The following WWOX variants were observed in gnomAD, a reference collection of about 807,000 sequenced individuals.
WWOX encodes the protein WW domain containing oxidoreductase, also known as WW domain-containing oxidoreductase.
WWOX carries 69 observed loss-of-function variants against 46.2 expected under a neutral mutation model. The observed-to-expected ratio is 1.49, with a 90% CI of 1.23 to 1.82. The LOEUF is 1.82. Among genes scored for constraint, WWOX ranks in the 40% most tolerant of loss-of-function variants. WWOX has a pLI of 0.00. For missense variants in WWOX, 919 were observed against 542.6 expected (o/e 1.69, Z -6.89); for synonymous variants, 359 against 202.6 (o/e 1.77, Z -6.56).
At chr16:79,188,720 C>T (rs1002390598) in intron 8 of WWOX, among the ~76,000 whole-genome samples, 4 of 152,204 alleles carry the variant, frequency 2.6e-5, no homozygotes, top group Non-Finnish European at 5.9e-5. Context: ...ATGTTTAAAT[C>T]CTGCAAGCGA....
At chr16:79,031,022 G>C (rs2047742160) in intron 8 of WWOX, among the ~76,000 whole-genome samples, 1 of 151,522 alleles carries the variant, frequency 6.6e-6, no homozygotes, top group Non-Finnish European at 1.5e-5. Flanking sequence ...AGGCTGGGGA[G>C]GTTGAGGCCG....
chr16:78,570,300 A>C (rs1378972784), intron 8 of WWOX, among the ~76,000 whole-genome samples: 4 of 152,154 alleles, frequency 2.6e-5, no homozygotes, highest in Non-Finnish European at 4.4e-5. Flanking sequence ...ATCCTTTCTG[A>C]AACATTGGTA....
intron 8 of WWOX, chr16:78,757,111 G>A (rs2049670196): frequency 1.5e-6 from 1 of 688,160 alleles, no homozygotes; most frequent in Non-Finnish European, 2.7e-6. Context: ...CTTTATTTGA[G>A]CCCCTATCTA....
chr16:79,102,819 T>G (rs1419676658), intron 8 of WWOX, among the ~76,000 whole-genome samples: 1 of 152,214 alleles, frequency 6.6e-6, no homozygotes, highest in African/African-American at 2.4e-5. Flanking sequence ...AGGCAGAACT[T>G]GAGAGTGGCA....
intron 8 of WWOX, among the ~76,000 whole-genome samples, chr16:78,615,412 G>A (rs991172334): frequency 6.6e-6 from 1 of 152,134 alleles, no homozygotes; most frequent in African/African-American, 2.4e-5. Context: ...ACGTAGGGAG[G>A]CTGAGGCAGG....
chr16:78,876,467 C>G (rs1320277110), intron 8 of WWOX, among the ~76,000 whole-genome samples: 2 of 123,144 alleles, frequency 1.6e-5, no homozygotes, highest in African/African-American at 6.5e-5. Context: ...ATGCTTGACT[C>G]TTCTTTTTTT....
intron 5 of WWOX, among the ~76,000 whole-genome samples, chr16:78,260,447 T>A (rs903942479): frequency 2.6e-5 from 4 of 151,416 alleles, no homozygotes; most frequent in African/African-American, 9.7e-5. Context: ...GGCAGATCAC[T>A]TGAGGCCAGG....
At chr16:79,161,159 A>G (rs2050479021) in intron 8 of WWOX, among the ~76,000 whole-genome samples, 1 of 152,230 alleles carries the variant, frequency 6.6e-6, no homozygotes. Context: ...ACTCACTTCC[A>G]GGATAGAAGG....
chr16:78,880,784 A>C (rs2044326343), intron 8 of WWOX, among the ~76,000 whole-genome samples: 2 of 152,192 alleles, frequency 1.3e-5, no homozygotes, highest in African/African-American at 4.8e-5. Flanking sequence ...AACTGTATCA[A>C]ATGGAAAGAC....
chr16:78,728,099 G>T (rs1361810455), intron 8 of WWOX, among the ~76,000 whole-genome samples: 2 of 106,548 alleles, frequency 1.9e-5, no homozygotes, highest in South Asian at 6.4e-4. Flanking sequence ...GGGTCTCACT[G>T]TGTCACCCAA....
chr16:78,473,396 C>G (rs1273889896), intron 8 of WWOX, among the ~76,000 whole-genome samples: 2 of 151,928 alleles, frequency 1.3e-5, no homozygotes, highest in South Asian at 2.1e-4. Context: ...TCCCAAAGTG[C>G]TAGGATTACA....
At chr16:78,462,258 G>C (rs1168677100) in intron 8 of WWOX, among the ~76,000 whole-genome samples, 2 of 138,762 alleles carry the variant, frequency 1.4e-5, no homozygotes, top group Non-Finnish European at 3.1e-5. Flanking sequence ...TTTTTTTCTT[G>C]TTTCCTCTGG....
intron 5 of WWOX, among the ~76,000 whole-genome samples, chr16:78,368,716 G>T (rs1177656887): frequency 6.6e-6 from 1 of 152,114 alleles, no homozygotes; most frequent in African/African-American, 2.4e-5. Flanking sequence ...ATGCTGCCTG[G>T]GTTGCTCTTT....
chr16:78,484,550 C>G (rs901567064), intron 8 of WWOX, among the ~76,000 whole-genome samples: 6 of 152,130 alleles, frequency 3.9e-5, no homozygotes, highest in African/African-American at 1.4e-4. Context: ...GACTTATAGT[C>G]TAATAATCAC....
At chr16:78,335,921 A>G (rs1208663038) in intron 5 of WWOX, among the ~76,000 whole-genome samples, 2 of 152,080 alleles carry the variant, frequency 1.3e-5, no homozygotes, top group African/African-American at 4.8e-5. Flanking sequence ...GTGAAACTCC[A>G]TCTCTACTAA....
intron 8 of WWOX, among the ~76,000 whole-genome samples, chr16:78,854,629 G>A (rs1224267311): frequency 6.6e-6 from 1 of 152,170 alleles, no homozygotes; most frequent in East Asian, 1.9e-4. Flanking sequence ...CACCCAGACT[G>A]GAGTGCAGTG....
rs149055725 is a variant in WWOX at position 78,741,942 on chromosome 16, T to C, written c.1056+309190T>C. 1.9e-3 allele frequency among the ~76,000 whole-genome samples: 290 copies of C among 152,338 alleles called. 1 individual carries two copies. The highest frequency in any genetic ancestry group is 6.4e-3 in the African/African-American group (268 of 41,576). On this transcript the variant is annotated intron_variant, in intron 8 of 8. Transcript: ENST00000566780. ...AATGGATAATTTTTTAGCAAAAGGA[T>C]GTTCCACATTTAACTGGACATTATC...
intron 8 of WWOX, among the ~76,000 whole-genome samples, chr16:78,472,190 C>T (rs190535829): frequency 1.2e-3 from 176 of 152,176 alleles, no homozygotes; most frequent in African/African-American, 4.2e-3. Flanking sequence ...CCCCAACCAC[C>T]TAGAAGCACC....
In WWOX at chr16:78,796,141, C is replaced by T. The variant is rs74034404; in HGVS notation, c.1056+363389C>T. ...TTTAGAAACGCCCCTTGCCTTCCTT[C>T]CAGGACTTTCTTCCTTAATCAGGAT... is the stretch of plus-strand genomic sequence containing the variant. On this transcript the variant is annotated intron_variant, in intron 8 of 8. Coordinates refer to ENST00000566780, the MANE Select transcript of WWOX (RefSeq NM_016373.4). Among the ~76,000 whole-genome samples the T allele has an allele frequency of 2.2e-3, 335 of 152,318 alleles. 1 individual carries two copies. The highest frequency in any genetic ancestry group is 6.9e-3 in the African/African-American group (286 of 41,566).
Sources: allele counts gnomAD v4.1 joint callset (sites outside exome capture counted in the v4.1 genomes callset), GRCh38; gene constraint gnomAD v4.1.1; transcripts MANE v1.5; gene names NCBI Gene and HGNC (gene_info 2026-07-23, HGNC 2026-07-21).